Variants in ZNF891 observed in about 807,000 individuals in gnomAD.
The protein encoded by ZNF891 is zinc finger protein 891, also known as hCG1646157.
For synonymous variants in ZNF891, 199 were observed against 209.0 expected (o/e 0.95, Z 0.41); for missense variants, 589 against 632.7 (o/e 0.93, Z 0.74).
rs938134524 is a variant in ZNF891, at chr12:133,109,061, T to A, written c.*11223A>T. 2.0e-5 allele frequency: 3 copies of A among 152,212 alleles called. No homozygotes were observed. Among genetic ancestry groups the A allele is most frequent in the Admixed American group, 6.5e-5 (1 of 15,282 alleles). 9.4% of individuals were successfully genotyped at this position (152,212 alleles called of 1,614,324 possible). On this transcript the variant is annotated 3_prime_UTR_variant, in exon 2 of 2. Coordinates refer to ENST00000537226, the MANE Select transcript of ZNF891 (RefSeq NM_001277291.2). ...TATTGTGGCTCAAGAAAATTCTTCT[T>A]CTGGTGTAGCCCAGGGAAGCCAAAA...
chr12:133,116,363 CA>C lies in ZNF891; in HGVS notation c.*3920del. The C allele has an allele frequency of 6.6e-6, 1 of 152,628 alleles. No homozygotes were observed. Among genetic ancestry groups the C allele is most frequent in the African/African-American group, 2.4e-5 (1 of 41,554 alleles). The allele number at this position is 152,628 out of a possible 1,614,324, so 9.5% of individuals were successfully genotyped here. On this transcript the variant is annotated 3_prime_UTR_variant, in exon 2 of 2. Transcript: ENST00000537226. ...TCGTGATCCGCCTGCCTCGGCCTCC[CA>C]AAGTGCTGGGATTAGAAGCGTGAGC...
chr12:133,106,484 C>T lies in ZNF891; in HGVS notation c.*13800G>A. Reference sequence around the variant, plus strand: ...CAGCCGGAGCTTTTCCCTCATTCTACATCAGAGAACTCATACTGGAGAGAA... The same window carrying T: ...CAGCCGGAGCTTTTCCCTCATTCTATATCAGAGAACTCATACTGGAGAGAA... On this transcript the variant is annotated 3_prime_UTR_variant, in exon 2 of 2. Coordinates refer to ENST00000537226, the MANE Select transcript of ZNF891 (RefSeq NM_001277291.2). 1 of 1,614,080 alleles carries T rather than the reference C, an allele frequency of 6.2e-7. No homozygotes were observed. Among genetic ancestry groups the T allele is most frequent in the East Asian group, 2.2e-5 (1 of 44,880 alleles).
At position 133,118,518 on chromosome 12, in the gene ZNF891, A is replaced by G. The variant is rs1358415459; in HGVS notation, c.*1766T>C. The G allele has an allele frequency of 6.6e-6, 1 of 152,204 alleles. No homozygotes were observed. Among genetic ancestry groups the G allele is most frequent in the Non-Finnish European group, 1.5e-5 (1 of 68,042 alleles). 9.4% of individuals were successfully genotyped at this position (152,204 alleles called of 1,614,324 possible). On this transcript the variant is annotated 3_prime_UTR_variant, in exon 2 of 2. Coordinates refer to ENST00000537226, the MANE Select transcript of ZNF891 (RefSeq NM_001277291.2). Reference sequence around the variant, plus strand: ...TCACCATCCTCTGAGGCTAACATGAATAACTACAACAGCAGCTACTGCCTT... The same window carrying G: ...TCACCATCCTCTGAGGCTAACATGAGTAACTACAACAGCAGCTACTGCCTT...
rs1470981816 is a variant in ZNF891 at position 133,117,217 on chromosome 12, T to A, written c.*3067A>T. 6.6e-6 allele frequency: 1 copy of A among 152,312 alleles called. No homozygotes were observed. Among genetic ancestry groups the A allele is most frequent in the East Asian group, 1.9e-4 (1 of 5,186 alleles). The allele number at this position is 152,312 out of a possible 1,614,324, so 9.4% of individuals were successfully genotyped here. A position where few individuals can be genotyped will look rare whatever the true frequency, so the allele number is the denominator to read the frequency against. ...TTACCATGAAACCTATAATCATATA[T>A]CTATATTTTACTGGCCAGGAACAGT... On this transcript the variant is annotated 3_prime_UTR_variant, in exon 2 of 2. Transcript: ENST00000537226.
chr12:133,124,822 G>C (rs961901161), intron 1 of ZNF891, among the ~76,000 whole-genome samples: 2 of 149,832 alleles, frequency 1.3e-5, no homozygotes, highest in Admixed American at 6.6e-5. Context: ...TGTTCTATAT[G>C]GGTGTGTGTG....
At position 133,110,500 on chromosome 12, in the gene ZNF891, A is replaced by G. The variant is rs558797319; in HGVS notation, c.*9784T>C. 34 of 152,378 alleles carry G rather than the reference A, an allele frequency of 2.2e-4. No homozygotes were observed. Among genetic ancestry groups the G allele is most frequent in the African/African-American group, 7.5e-4 (31 of 41,590 alleles). The allele number at this position is 152,378 out of a possible 1,614,324, so 9.4% of individuals were successfully genotyped here. On this transcript the variant is annotated 3_prime_UTR_variant, in exon 2 of 2. Transcript: ENST00000537226. Reference sequence around the variant, plus strand: ...CAGATGCAATCAATATTAGTAAAGAATAGTCATGGGAGAATGACCACAATT... The same window carrying G: ...CAGATGCAATCAATATTAGTAAAGAGTAGTCATGGGAGAATGACCACAATT...
At chr12:133,123,581 G>A (rs1004590247) in intron 1 of ZNF891, among the ~76,000 whole-genome samples, 7 of 151,666 alleles carry the variant, frequency 4.6e-5, no homozygotes, top group Non-Finnish European at 8.8e-5. Flanking sequence ...GGTGGCATGC[G>A]CCTGAAGCCC....
intron 1 of ZNF891, among the ~76,000 whole-genome samples, chr12:133,130,021 G>GTCCCCACTCGC (rs1955859656): frequency 6.6e-6 from 1 of 151,562 alleles, no homozygotes; most frequent in Non-Finnish European, 1.5e-5. Flanking sequence ...CGCGCCCCTG[G>GTCCCCACTCGC]TCCCCACTCG....
At position 133,112,327 on chromosome 12, in the gene ZNF891, CTTTTT is replaced by C. The variant is rs112022222; in HGVS notation, c.*7952_*7956del. ...AATGTTATTTTCTCATGGAGACCTT[CTTTTT>C]TTTTTTTGAGACACAGTCTTGCTCT... is the stretch of plus-strand genomic sequence containing the variant. On this transcript the variant is annotated 3_prime_UTR_variant, in exon 2 of 2. Transcript: ENST00000537226. The C allele has an allele frequency of 6.8e-6, 1 of 147,256 alleles. No homozygotes were observed. Among genetic ancestry groups the C allele is most frequent in the Non-Finnish European group, 1.5e-5 (1 of 66,674 alleles). The allele number at this position is 147,256 out of a possible 1,614,324, so 9.1% of individuals were successfully genotyped here.
At position 133,120,951 on chromosome 12, in the gene ZNF891, T is replaced by C. The variant is rs749020734; in HGVS notation, c.968A>G (p.Asn323Ser). 6 of 1,535,920 alleles carry C rather than the reference T, an allele frequency of 3.9e-6. No homozygotes were observed. The highest frequency in any genetic ancestry group is 2.7e-5 in the African/African-American group (2 of 73,056). The change falls in exon 2 of 2, where the codon AAT (asparagine) becomes AGT (serine). Residue 323 changes from asparagine to serine, a missense_variant. Transcript: ENST00000537226. Reference protein sequence around the residue: ...QTHTEKKHECNQCGKAFKRIS... With the variant: ...QTHTEKKHECSQCGKAFKRIS... ...CCTTTTGAAGGCTTTTCCACATTGA[T>C]TGCATTCATGTTTCTTTTCAGTATG...
Position 133,104,871 on chromosome 12 carries a change from T to C in ZNF891, c.*15413A>G, listed in dbSNP as rs1955528735. Among the ~76,000 whole-genome samples, 1 of 152,134 alleles carries C rather than the reference T, an allele frequency of 6.6e-6. No homozygotes were observed. The highest frequency in any genetic ancestry group is 2.4e-5 in the African/African-American group (1 of 41,442). ...TGAGCAAATTGTGTGTCATGGGGGT[T>C]TGGTGTGCAGATAATTTTGTCACCC... On this transcript the variant is annotated 3_prime_UTR_variant, in exon 2 of 2. Transcript: ENST00000537226.
intron 1 of ZNF891, among the ~76,000 whole-genome samples, chr12:133,126,827 G>T (rs1415030977): frequency 1.3e-5 from 2 of 150,798 alleles, no homozygotes; most frequent in South Asian, 4.2e-4. Flanking sequence ...ATAAATAAAT[G>T]AATAAATAAG....
In ZNF891 at chr12:133,118,280, G is replaced by C. The variant is rs1325394810; in HGVS notation, c.*2004C>G. 1 of 152,226 alleles carries C rather than the reference G, an allele frequency of 6.6e-6. No homozygotes were observed. The highest frequency in any genetic ancestry group is 1.9e-4 in the East Asian group (1 of 5,180). 9.4% of individuals were successfully genotyped at this position (152,226 alleles called of 1,614,324 possible). On this transcript the variant is annotated 3_prime_UTR_variant, in exon 2 of 2. Coordinates refer to ENST00000537226, the MANE Select transcript of ZNF891 (RefSeq NM_001277291.2). ...TTTGAAACTTGTTTGTCTTGGTTCA[G>C]TGAAACTCCACTCTTCTTGTTTTCC...
Position 133,105,569 on chromosome 12 carries a change from T to C in ZNF891, c.*14715A>G. ...ACCAAAAAATGTCATTTATGATGAC[T>C]CATCCCAGTATTTGATCATGGAAAG... On this transcript the variant is annotated 3_prime_UTR_variant, in exon 2 of 2. Transcript: ENST00000537226. 1.9e-6 allele frequency: 3 copies of C among 1,613,950 alleles called. No individual in the cohort carries two copies. The highest frequency in any genetic ancestry group is 2.5e-6 in the Non-Finnish European group (3 of 1,179,964).
In ZNF891 at chr12:133,114,503, C is replaced by T. The variant is rs1304957395; in HGVS notation, c.*5781G>A. On this transcript the variant is annotated 3_prime_UTR_variant, in exon 2 of 2. Transcript: ENST00000537226. ...TCACTTAAATAGCTTTTAAGTTAAA[C>T]TTCCACTAGAATGGTAAGTAAAAGA... 6.6e-6 allele frequency: 1 copy of T among 152,222 alleles called. No individual in the cohort carries two copies. The highest frequency in any genetic ancestry group is 1.5e-5 in the Non-Finnish European group (1 of 68,052). 9.4% of individuals were successfully genotyped at this position (152,222 alleles called of 1,614,324 possible). A position where few individuals can be genotyped will look rare whatever the true frequency, so the allele number is the denominator to read the frequency against.
At position 133,121,354 on chromosome 12, in the gene ZNF891, G is replaced by A. The variant is rs765139625; in HGVS notation, c.565C>T (p.Arg189Cys). ...TTTTCCTCTAATTCATGATAGTCAC[G>A]GAATAGCTCCTGAGGTACTGTTTTC... is the stretch of plus-strand genomic sequence containing the variant. Reference protein sequence around the residue: ...PKKTVPQELFRDYHELEENSK... With the variant: ...PKKTVPQELFCDYHELEENSK... Residue 189 changes from arginine to cysteine, a missense_variant, in exon 2 of 2, where the codon CGT becomes TGT. Arg to Cys is a radical substitution (Grantham distance 180, BLOSUM62 -3). Coordinates refer to ENST00000537226, the MANE Select transcript of ZNF891 (RefSeq NM_001277291.2). The A allele has an allele frequency of 1.1e-5, 17 of 1,536,018 alleles. No homozygotes were observed. Among genetic ancestry groups the A allele is most frequent in the Middle Eastern group, 1.7e-4 (1 of 5,988 alleles).
chr12:133,105,494 T>C lies in ZNF891; in HGVS notation c.*14790A>G. The C allele has an allele frequency of 6.4e-7, 1 of 1,560,692 alleles. No individual in the cohort carries two copies. The highest frequency in any genetic ancestry group is 1.2e-5 in the South Asian group (1 of 82,108). On this transcript the variant is annotated 3_prime_UTR_variant, in exon 2 of 2. Transcript: ENST00000537226. The stretch of plus-strand genomic sequence containing the variant: ...CAGGAAAAAGAAACATTCACTTTTT[T>C]TTTGGTATCTTTCAGTTTCAGAGTC...
chr12:133,123,639 T>C (rs923132289), intron 1 of ZNF891, among the ~76,000 whole-genome samples: 4 of 150,598 alleles, frequency 2.7e-5, no homozygotes, highest in African/African-American at 4.9e-5. Context: ...GCCCAGGAGG[T>C]TGAGACTGCA....
Position 133,119,860 on chromosome 12 carries a change from G to T in ZNF891, c.*424C>A, listed in dbSNP as rs77499059. The T allele has an allele frequency of 6.3e-6, 1 of 159,836 alleles. No homozygotes were observed. Among genetic ancestry groups the T allele is most frequent in the East Asian group, 1.9e-4 (1 of 5,372 alleles). The allele number at this position is 159,836 out of a possible 1,614,324, so 9.9% of individuals were successfully genotyped here. A position where few individuals can be genotyped will look rare whatever the true frequency, so the allele number is the denominator to read the frequency against. On this transcript the variant is annotated 3_prime_UTR_variant, in exon 2 of 2. Coordinates refer to ENST00000537226, the MANE Select transcript of ZNF891 (RefSeq NM_001277291.2). ...CTACCCTTAGCTACAAGAAGTCAAA[G>T]AAGCGTTCTATAACCAGAGACCTTA...
Sources: gnomAD v4.1 joint callset for allele counts (sites outside exome capture counted in the v4.1 genomes callset) on GRCh38, gnomAD v4.1.1 for gene constraint, MANE v1.5 for transcripts, NCBI Gene and HGNC (gene_info 2026-07-23, HGNC 2026-07-21) for gene names.